GRAMD2B: variants seen among roughly 807,000 people sequenced by gnomAD.
GRAMD2B encodes GRAM domain containing 2B, also known as GRAM domain-containing protein 2B.
GRAMD2B carries 41 observed loss-of-function variants against 59.2 expected under a neutral mutation model. The observed-to-expected ratio is 0.69, with a 90% CI of 0.54 to 0.90. The LOEUF (loss-of-function observed/expected upper bound fraction) is 0.90. Ranked by LOEUF, GRAMD2B falls within the 40% of genes least tolerant of loss-of-function variation. The pLI, the probability that GRAMD2B is intolerant of heterozygous loss-of-function variation, is 0.00. For missense variants in GRAMD2B, 424 were observed against 500.5 expected, an observed-to-expected ratio of 0.85 and a Z score of 1.46; for synonymous variants, 161 against 182.7, an observed-to-expected ratio of 0.88 and a Z score of 0.96.
chr5:126,458,738 G>C (rs1366029618), intron 1 of GRAMD2B: 5 of 152,148 alleles, frequency 3.3e-5, no homozygotes, highest in African/African-American at 4.8e-5. Flanking sequence ...TGTAATTTGG[G>C]TCTGAGCCAG....
At chr5:126,462,369 T>A in intron 1 of GRAMD2B, 1 of 977,500 alleles carries the variant, frequency 1.0e-6, no homozygotes, top group Non-Finnish European at 1.2e-6. Flanking sequence ...CCCACGCTGC[T>A]CACTCAAACA....
At chr5:126,380,567 T>C (rs1755579695) in intron 1 of GRAMD2B, among the ~76,000 whole-genome samples, 3 of 152,208 alleles carry the variant, frequency 2.0e-5, no homozygotes. Flanking sequence ...GTGTTGTCTA[T>C]GATCTTTTTC....
chr5:126,473,153 T>G, intron 4 of GRAMD2B, 112 bp from the exon 5 acceptor site: 1 of 419,120 alleles, frequency 2.4e-6, no homozygotes, highest in East Asian at 3.5e-5. Flanking sequence ...TAATAAAACT[T>G]TTGAGTGTGA....
intron 5 of GRAMD2B, among the ~76,000 whole-genome samples, chr5:126,474,659 T>C (rs1341585041): frequency 6.6e-6 from 1 of 152,028 alleles, no homozygotes; most frequent in Non-Finnish European, 1.5e-5. Context: ...GGACTGAAGA[T>C]ACTAATGAAC....
intron 1 of GRAMD2B, among the ~76,000 whole-genome samples, chr5:126,375,781 T>G (rs1755133577): frequency 6.6e-6 from 1 of 152,240 alleles, no homozygotes. Flanking sequence ...TTAAAGGGAA[T>G]GCTTTTAATA....
At chr5:126,458,057 T>C (rs1307597595) in intron 1 of GRAMD2B, among the ~76,000 whole-genome samples, 1 of 152,218 alleles carries the variant, frequency 6.6e-6, no homozygotes, top group East Asian at 1.9e-4. Flanking sequence ...TTTACTTTCT[T>C]GTTGGTTCAT....
chr5:126,477,841 C>T, intron 6 of GRAMD2B, 54 bp downstream of exon 6: 2 of 1,047,488 alleles, frequency 1.9e-6, no homozygotes, highest in Non-Finnish European at 3.0e-6. Context: ...GCTCTGGGCT[C>T]TGCTGCCTAA....
In GRAMD2B at chr5:126,403,479, T is replaced by A. The variant is rs542787467; in HGVS notation, c.125+31912T>A. Among the ~76,000 whole-genome samples, 3 of 152,114 alleles carry A rather than the reference T, an allele frequency of 2.0e-5. No individual in the cohort carries two copies. In the South Asian group the frequency reaches 6.2e-4, roughly 31 times the overall value. ...CAGAGTGTTTTTCTGATTAATTAAG[T>A]CATCACTTATTGCTCAGAAATATTT... On this transcript the variant is annotated intron_variant, in intron 1 of 8. Transcript: ENST00000506445.
chr5:126,363,264 A>G (rs1754300755), intron 1 of GRAMD2B, among the ~76,000 whole-genome samples: 1 of 152,168 alleles, frequency 6.6e-6, no homozygotes, highest in African/African-American at 2.4e-5. Flanking sequence ...CAAGACCACA[A>G]TGCAACGCCA....
At chr5:126,466,359 AT>A in intron 2 of GRAMD2B, 2 of 1,022,428 alleles carry the variant, frequency 2.0e-6, no homozygotes, top group Non-Finnish European at 3.0e-6. Context: ...TCCTCCCGAA[AT>A]TTTCCTCTTC....
intron 1 of GRAMD2B, among the ~76,000 whole-genome samples, chr5:126,402,464 C>A (rs1029570302): frequency 2.0e-5 from 3 of 152,060 alleles, no homozygotes; most frequent in Admixed American, 6.6e-5. Flanking sequence ...ACACCAACCT[C>A]TTCAAAGAAT....
intron 1 of GRAMD2B, among the ~76,000 whole-genome samples, chr5:126,415,893 A>ACAAG (rs1554075982): frequency 6.6e-6 from 1 of 152,234 alleles, no homozygotes. Context: ...GATAGAAAAT[A>ACAAG]TGTAATATAA....
chr5:126,450,212 G>A (rs114017504), intron 1 of GRAMD2B, among the ~76,000 whole-genome samples: 2,183 of 152,174 alleles, frequency 0.014, 28 homozygotes, highest in Non-Finnish European at 0.02. Flanking sequence ...AGTACAGCTC[G>A]TCTCCACGGG....
chr5:126,472,617 G>T (rs1425953077), intron 4 of GRAMD2B, among the ~76,000 whole-genome samples: 1 of 152,048 alleles, frequency 6.6e-6, no homozygotes, highest in African/African-American at 2.4e-5. Flanking sequence ...TAACAAGCCT[G>T]GGGCAAGAGA....
intron 1 of GRAMD2B, among the ~76,000 whole-genome samples, chr5:126,453,511 A>G (rs751401242): frequency 1.3e-5 from 2 of 152,228 alleles, no homozygotes; most frequent in Non-Finnish European, 1.5e-5. Context: ...CTGAGGCTGT[A>G]AATAACAAAG....
chr5:126,371,449 A>C, exon 1 of GRAMD2B: 1 of 1,288,098 alleles, frequency 7.8e-7, no homozygotes, highest in Non-Finnish European at 1.0e-6. Context: ...CACAATGGTG[A>C]AGAAAAGGCT....
At position 126,485,697 on chromosome 5, in the gene GRAMD2B, A is replaced by G; in HGVS notation, c.982A>G (p.Thr328Ala). The part of the protein sequence containing the change: ...KSLPVQGLSE[T>A]VGILHKVKSQ... The stretch of plus-strand genomic sequence containing the variant: ...TTTCCTCCCAACAGGTCTGTCAGAA[A>G]CTGTTGGAATCTTACATAAAGTCAA... Residue 328 changes from threonine (T) to alanine (A), a missense_variant, in exon 11 of 14, where the codon ACT becomes GCT. Transcript: ENST00000285689. 1 of 1,610,234 alleles carries G rather than the reference A, an allele frequency of 6.2e-7. No individual in the cohort carries two copies. Among genetic ancestry groups the G allele is most frequent in the South Asian group, 1.1e-5 (1 of 90,796 alleles).
intron 1 of GRAMD2B, among the ~76,000 whole-genome samples, chr5:126,440,489 G>C (rs145005878): frequency 1.3e-5 from 2 of 152,250 alleles, no homozygotes; most frequent in Admixed American, 1.3e-4. Context: ...AATATATCTG[G>C]AGGTATTTTC....
intron 13 of GRAMD2B, among the ~76,000 whole-genome samples, chr5:126,491,440 T>C (rs1773914929): frequency 6.6e-6 from 1 of 152,250 alleles, no homozygotes; most frequent in Non-Finnish European, 1.5e-5. Context: ...TTCTTATCCC[T>C]GCTCCACTGC....
Sources: allele counts gnomAD v4.1 joint callset (sites outside exome capture counted in the v4.1 genomes callset), GRCh38; gene constraint gnomAD v4.1.1; transcripts MANE v1.5; gene names NCBI Gene and HGNC (gene_info 2026-07-23, HGNC 2026-07-21).